Variants in GPC5 observed in about 807,000 individuals in gnomAD.
GPC5 encodes glypican-5.
Under a neutral mutation model 53.9 loss-of-function variants are expected in GPC5, and 47 were observed. The ratio of observed to expected loss-of-function variants is 0.87; its 90% CI spans 0.69 to 1.11. The LOEUF (loss-of-function observed/expected upper bound fraction) is 1.11. Ranked by LOEUF, GPC5 falls within the 50% of genes most tolerant of loss-of-function variation. GPC5 has a pLI of 0.00. For missense variants in GPC5, 748 were observed against 713.1 expected, an observed-to-expected ratio of 1.05 and a Z score of -0.56; for synonymous variants, 286 against 263.3, an observed-to-expected ratio of 1.09 and a Z score of -0.84.
intron 6 of GPC5, among the ~76,000 whole-genome samples, chr13:92,086,204 T>G (rs1269789881): frequency 6.6e-6 from 1 of 152,232 alleles, no homozygotes; most frequent in Non-Finnish European, 1.5e-5. Context: ...ACCACCTCCT[T>G]GAGATTCATG....
At chr13:92,136,106 G>T (rs1380207964) in intron 6 of GPC5, among the ~76,000 whole-genome samples, 1 of 152,072 alleles carries the variant, frequency 6.6e-6, no homozygotes, top group Non-Finnish European at 1.5e-5. Flanking sequence ...AGGGAATTAT[G>T]CTCTAAATAG....
At chr13:92,064,452 T>TA (rs1462417459) in intron 6 of GPC5, among the ~76,000 whole-genome samples, 1 of 152,064 alleles carries the variant, frequency 6.6e-6, no homozygotes, top group Non-Finnish European at 1.5e-5. Context: ...AGGAGAAGCT[T>TA]AGAGATTTTA....
At chr13:92,156,690 C>T (rs73620856) in intron 7 of GPC5, among the ~76,000 whole-genome samples, 1,828 of 151,984 alleles carry the variant, frequency 0.012, 53 homozygotes, top group African/African-American at 0.041. Flanking sequence ...TCTGAATGTC[C>T]CAAAGCTATG....
At chr13:91,482,145 G>A (rs1209508324) in intron 2 of GPC5, among the ~76,000 whole-genome samples, 1 of 152,184 alleles carries the variant, frequency 6.6e-6, no homozygotes, top group Non-Finnish European at 1.5e-5. Context: ...CAATAAAATA[G>A]TGTTGAGAGG....
At chr13:92,373,270 G>T (rs2043666070) in intron 7 of GPC5, among the ~76,000 whole-genome samples, 1 of 152,082 alleles carries the variant, frequency 6.6e-6, no homozygotes, top group African/African-American at 2.4e-5. Flanking sequence ...AATGATTTAA[G>T]GAAAAAATAG....
intron 6 of GPC5, among the ~76,000 whole-genome samples, chr13:92,014,214 A>G (rs938949568): frequency 6.6e-6 from 1 of 152,180 alleles, no homozygotes; most frequent in African/African-American, 2.4e-5. Context: ...TGTAATGCTG[A>G]CTATAGATAC....
At chr13:91,841,163 A>T (rs1247877652) in intron 5 of GPC5, among the ~76,000 whole-genome samples, 1 of 151,896 alleles carries the variant, frequency 6.6e-6, no homozygotes, top group Non-Finnish European at 1.5e-5. Flanking sequence ...TCACACAGAC[A>T]GATGAATTAG....
chr13:91,564,597 T>G (rs1273358379), intron 2 of GPC5, among the ~76,000 whole-genome samples: 1 of 152,174 alleles, frequency 6.6e-6, no homozygotes, highest in Non-Finnish European at 1.5e-5. Flanking sequence ...AGCATGTAAC[T>G]CAGAACAGCA....
intron 7 of GPC5, among the ~76,000 whole-genome samples, chr13:92,161,424 A>G (rs915844630): frequency 2.0e-5 from 3 of 152,186 alleles, no homozygotes; most frequent in Non-Finnish European, 2.9e-5. Flanking sequence ...ACACATCTCT[A>G]AGACACATCT....
intron 7 of GPC5, among the ~76,000 whole-genome samples, chr13:92,454,200 G>C (rs1878176369): frequency 8.0e-6 from 1 of 125,276 alleles, no homozygotes; most frequent in African/African-American, 2.5e-5. Flanking sequence ...TTTGTGATGA[G>C]TTTGTTTGTT....
chr13:92,789,769 T>G (rs1876396742), intron 7 of GPC5, among the ~76,000 whole-genome samples: 1 of 151,912 alleles, frequency 6.6e-6, no homozygotes, highest in Admixed American at 6.6e-5. Context: ...ACTAATAGGA[T>G]AGATGTATAT....
At chr13:92,063,883 C>A (rs1040769867) in intron 6 of GPC5, among the ~76,000 whole-genome samples, 2 of 151,996 alleles carry the variant, frequency 1.3e-5, no homozygotes, top group Non-Finnish European at 2.9e-5. Flanking sequence ...AAATAAATGG[C>A]ATCTATAATT....
At chr13:92,573,596 T>G (rs1398692401) in intron 7 of GPC5, among the ~76,000 whole-genome samples, 1 of 152,142 alleles carries the variant, frequency 6.6e-6, no homozygotes, top group Non-Finnish European at 1.5e-5. Flanking sequence ...AGTACATTGT[T>G]AAAATTTCTC....
At chr13:92,211,803 G>A (rs539338683) in intron 7 of GPC5, among the ~76,000 whole-genome samples, 116 of 152,252 alleles carry the variant, frequency 7.6e-4, no homozygotes, top group African/African-American at 2.7e-3. Context: ...TCCAAGGAGA[G>A]GATTTTTATC....
intron 7 of GPC5, among the ~76,000 whole-genome samples, chr13:92,147,705 G>T (rs990860561): frequency 2.8e-4 from 43 of 152,010 alleles, no homozygotes; most frequent in African/African-American, 9.7e-4. Flanking sequence ...AGCAACTCCA[G>T]GCAAGCATTT....
chr13:92,502,270 T>C (rs1410609893), intron 7 of GPC5, among the ~76,000 whole-genome samples: 1 of 151,782 alleles, frequency 6.6e-6, no homozygotes, highest in Non-Finnish European at 1.5e-5. Flanking sequence ...AAAAAAGATG[T>C]TGGAATAACC....
At chr13:91,748,953 G>A (rs2037110272) in intron 4 of GPC5, among the ~76,000 whole-genome samples, 1 of 152,108 alleles carries the variant, frequency 6.6e-6, no homozygotes, top group South Asian at 2.1e-4. Flanking sequence ...TGAATAGAGA[G>A]AAGGGGGACT....
rs1882385216 is a variant in GPC5 at position 92,553,320 on chromosome 13, C to T, written c.1562-312962C>T. On this transcript the variant is annotated intron_variant, in intron 7 of 7. Transcript: ENST00000377067. ...CCAAAACTAATTTCTGTTCCATTGC[C>T]TATGCCATTATTGTATTACTTTAGT... Among the ~76,000 whole-genome samples, 2 of 151,906 alleles carry T rather than the reference C, an allele frequency of 1.3e-5. 1 individual carries two copies. The highest frequency in any genetic ancestry group is 1.3e-4 in the Admixed American group (2 of 15,198).
At chr13:91,956,721 G>A (rs567693038) in intron 6 of GPC5, among the ~76,000 whole-genome samples, 7 of 152,282 alleles carry the variant, frequency 4.6e-5, no homozygotes, top group Admixed American at 3.9e-4. Context: ...GTTTACAGCT[G>A]AAGAAATCAT....
Sources: allele counts gnomAD v4.1 joint callset (sites outside exome capture counted in the v4.1 genomes callset), GRCh38; gene constraint gnomAD v4.1.1; transcripts MANE v1.5; gene names NCBI Gene and HGNC (gene_info 2026-07-23, HGNC 2026-07-21).